Variants in OCA2 observed in about 807,000 individuals in gnomAD.
OCA2 encodes P protein.
OCA2 carries 77 observed loss-of-function variants against 100.2 expected under a neutral mutation model. That is an observed-to-expected ratio of 0.77 (90% CI 0.64 to 0.93). OCA2 has a LOEUF of 0.93. Among genes scored for constraint, OCA2 ranks in the 40% least tolerant of loss-of-function variants. OCA2 has a pLI of 0.00. For synonymous variants in OCA2, 432 were observed against 439.2 expected (o/e 0.98, Z 0.21); for missense variants, 1,062 against 1,089.1 (o/e 0.98, Z 0.35).
intron 2 of OCA2, among the ~76,000 whole-genome samples, chr15:28,053,710 C>T (rs1051686050): frequency 2.0e-5 from 3 of 152,198 alleles, no homozygotes; most frequent in African/African-American, 7.2e-5. Context: ...AGAGGGCCTC[C>T]CAGCACAAGA....
intron 1 of OCA2, among the ~76,000 whole-genome samples, chr15:28,082,538 T>C (rs966436320): frequency 6.6e-6 from 1 of 152,242 alleles, no homozygotes; most frequent in Non-Finnish European, 1.5e-5. Context: ...TAGATTGTGA[T>C]GTGTGCACAG....
intron 23 of OCA2, among the ~76,000 whole-genome samples, chr15:27,828,478 G>A (rs973516949): frequency 6.6e-6 from 1 of 152,162 alleles, no homozygotes; most frequent in Non-Finnish European, 1.5e-5. Context: ...TATGTTCAGA[G>A]TTTTGCAGAG....
intron 19 of OCA2, among the ~76,000 whole-genome samples, chr15:27,913,811 A>T (rs1478459011): frequency 8.1e-6 from 1 of 123,094 alleles, no homozygotes; most frequent in Non-Finnish European, 1.7e-5. Context: ...AACAAAAAAA[A>T]AAAAGAGAAA....
At chr15:27,922,680 G>GTGTGTGTGTGTGTGTGTGTGTGTGT (rs61038958) in intron 19 of OCA2, among the ~76,000 whole-genome samples, 1 of 147,114 alleles carries the variant, frequency 6.8e-6, no homozygotes, top group Non-Finnish European at 1.5e-5. Context: ...TTTTGTTTGG[G>GTGTGTGTGTGTGTGTGTGTGTGTGT]GTGTGTGTGT....
At chr15:28,092,157 C>T (rs1303336206) in intron 1 of OCA2, among the ~76,000 whole-genome samples, 1 of 152,068 alleles carries the variant, frequency 6.6e-6, no homozygotes, top group Non-Finnish European at 1.5e-5. Flanking sequence ...TATATAAAAT[C>T]TTCAGAACAG....
chr15:27,788,463 A>G (rs1310938636), intron 23 of OCA2, among the ~76,000 whole-genome samples: 4 of 152,050 alleles, frequency 2.6e-5, no homozygotes, highest in African/African-American at 7.2e-5. Context: ...CTTCTTCTCT[A>G]GTAGTATTTT....
chr15:27,784,934 G>A (rs1199199913), intron 23 of OCA2, among the ~76,000 whole-genome samples: 1 of 151,738 alleles, frequency 6.6e-6, no homozygotes, highest in African/African-American at 2.4e-5. Flanking sequence ...AGAAAAAATA[G>A]CCAAGAATTT....
At chr15:28,011,878 T>C (rs1055896319) in intron 9 of OCA2, among the ~76,000 whole-genome samples, 7 of 147,432 alleles carry the variant, frequency 4.7e-5, no homozygotes, top group Admixed American at 1.4e-4. Flanking sequence ...GATTGGACCA[T>C]TGCACTCCAG....
intron 13 of OCA2, among the ~76,000 whole-genome samples, chr15:27,984,335 C>A (rs1008935989): frequency 6.6e-6 from 1 of 152,098 alleles, no homozygotes; most frequent in African/African-American, 2.4e-5. Flanking sequence ...CCAGGGGACC[C>A]AGTATGCACA....
intron 19 of OCA2, among the ~76,000 whole-genome samples, chr15:27,907,411 C>T (rs1445911878): frequency 1.3e-5 from 2 of 151,904 alleles, no homozygotes; most frequent in African/African-American, 4.8e-5. Context: ...GCACAAAACA[C>T]ATTTAATAAC....
chr15:27,764,735 T>C (rs530443818), intron 23 of OCA2, among the ~76,000 whole-genome samples: 4 of 152,216 alleles, frequency 2.6e-5, no homozygotes, highest in African/African-American at 9.6e-5. Flanking sequence ...GAATATCAGG[T>C]CCTGGGAAGG....
intron 21 of OCA2, among the ~76,000 whole-genome samples, chr15:27,860,219 G>A (rs2036081501): frequency 6.6e-6 from 1 of 152,194 alleles, no homozygotes; most frequent in Non-Finnish European, 1.5e-5. Flanking sequence ...TCAATAAAAG[G>A]TGAAGGAGCA....
chr15:27,726,589 T>C, the OCA2 span, among the ~76,000 whole-genome samples: 6 of 152,022 alleles, frequency 3.9e-5, no homozygotes, highest in Admixed American at 3.9e-4. Context: ...GGATGTGTGA[T>C]GGGGTTGGGA....
chr15:28,098,710 T>A (rs75548269), intron 1 of OCA2, among the ~76,000 whole-genome samples: 71 of 152,366 alleles, frequency 4.7e-4, no homozygotes, highest in African/African-American at 1.7e-3. Context: ...CCAGGCTTCC[T>A]GTGCTTAACA....
rs1012098561 is a variant in OCA2, at chr15:27,858,144, T to C, written c.2245-6669A>G. ...TACACTAATTGTAAATGGATTAAACTCTCCTGTTCACCTGAGGTCAGGAGT... is the reference window on the plus strand; with the variant it reads ...TACACTAATTGTAAATGGATTAAACCCTCCTGTTCACCTGAGGTCAGGAGT... On this transcript the variant is annotated intron_variant, in intron 21 of 23. Transcript: ENST00000354638. 5.9e-5 allele frequency among the ~76,000 whole-genome samples: 9 copies of C among 152,150 alleles called. No individual in the cohort carries two copies. The East Asian group carries it at 1.7e-3, about 29-fold the overall frequency.
intron 23 of OCA2, among the ~76,000 whole-genome samples, chr15:27,764,034 G>GT (rs1172604860): frequency 6.6e-6 from 1 of 151,754 alleles, no homozygotes; most frequent in Non-Finnish European, 1.5e-5. Flanking sequence ...AGAGAGAGAG[G>GT]TAGGAGGGAA....
At chr15:27,867,929 C>T (rs2036388030) in intron 21 of OCA2, among the ~76,000 whole-genome samples, 1 of 152,104 alleles carries the variant, frequency 6.6e-6, no homozygotes, top group Non-Finnish European at 1.5e-5. Flanking sequence ...TCCCTCAGGC[C>T]CCAGGATTGT....
intron 8 of OCA2, among the ~76,000 whole-genome samples, chr15:28,015,641 G>A (rs1032524017): frequency 6.6e-6 from 1 of 152,074 alleles, no homozygotes; most frequent in African/African-American, 2.4e-5. Flanking sequence ...TGACCCTGTC[G>A]ACACCTTGAC....
intron 23 of OCA2, among the ~76,000 whole-genome samples, chr15:27,808,813 T>C (rs1445214521): frequency 6.6e-6 from 1 of 152,242 alleles, no homozygotes; most frequent in Non-Finnish European, 1.5e-5. Context: ...GGGATCCCTA[T>C]GGAATTGTCA....
Sources: gnomAD v4.1 joint callset for allele counts (sites outside exome capture counted in the v4.1 genomes callset) on GRCh38, gnomAD v4.1.1 for gene constraint, MANE v1.5 for transcripts, NCBI Gene and HGNC (gene_info 2026-07-23, HGNC 2026-07-21) for gene names.